The following NTRK3 variants were observed in gnomAD, a reference collection of about 807,000 sequenced individuals.
The protein encoded by NTRK3 is NT-3 growth factor receptor.
Under a neutral mutation model 91.7 loss-of-function variants are expected in NTRK3, and 24 were observed. The observed-to-expected ratio is 0.26, with a 90% CI of 0.19 to 0.37. The LOEUF (loss-of-function observed/expected upper bound fraction) is 0.37, where lower values mean the gene tolerates loss of function less well. Ranked by LOEUF, NTRK3 falls within the 10% of genes least tolerant of loss-of-function variation. The pLI is 1.00. For synonymous variants in NTRK3, 483 were observed against 404.0 expected (o/e 1.20, Z -2.34); for missense variants, 880 against 1,068.9 (o/e 0.82, Z 2.46).
chr15:88,078,196 C>T (rs973826117), intron 13 of NTRK3, among the ~76,000 whole-genome samples: 1 of 152,208 alleles, frequency 6.6e-6, no homozygotes, highest in East Asian at 1.9e-4. Context: ...AGCATGGGCT[C>T]AGGGTCTGTT....
intron 13 of NTRK3, among the ~76,000 whole-genome samples, chr15:88,113,311 C>CTTTTTTTTTT (rs60232101): frequency 1.8e-5 from 2 of 111,640 alleles, no homozygotes; most frequent in African/African-American, 7.2e-5. Context: ...TGATCAATTT[C>CTTTTTTTTTT]TTTTTTTTTT....
chr15:88,008,049 A>G (rs1488526179), intron 14 of NTRK3, among the ~76,000 whole-genome samples: 2 of 152,234 alleles, frequency 1.3e-5, no homozygotes, highest in Non-Finnish European at 2.9e-5. Flanking sequence ...AACTATTCCC[A>G]TACACTAGAG....
At chr15:88,236,774 A>C (rs2051815029) in intron 3 of NTRK3, among the ~76,000 whole-genome samples, 1 of 150,818 alleles carries the variant, frequency 6.6e-6, no homozygotes, top group African/African-American at 2.4e-5. Context: ...AAATTAAAAA[A>C]AAAAAAAAAA....
chr15:88,063,362 G>A (rs936768593), intron 13 of NTRK3, among the ~76,000 whole-genome samples: 1 of 152,210 alleles, frequency 6.6e-6, no homozygotes, highest in Non-Finnish European at 1.5e-5. Context: ...GTTCTCTCAA[G>A]TCTCCCATTT....
chr15:88,102,337 C>A (rs886981178), intron 13 of NTRK3, among the ~76,000 whole-genome samples: 7 of 152,138 alleles, frequency 4.6e-5, no homozygotes, highest in African/African-American at 1.4e-4. Context: ...AAAACACAAT[C>A]TTTCTATACT....
intron 14 of NTRK3, among the ~76,000 whole-genome samples, chr15:88,028,618 C>A (rs138418229): frequency 0.011 from 1,644 of 152,072 alleles, 16 homozygotes; most frequent in Non-Finnish European, 0.017. Context: ...CTTTGCAGAC[C>A]CAGACTGGGA....
At chr15:88,180,078 C>A (rs946008020) in intron 5 of NTRK3, among the ~76,000 whole-genome samples, 4 of 152,220 alleles carry the variant, frequency 2.6e-5, no homozygotes, top group Admixed American at 6.5e-5. Flanking sequence ...TTACTAGCAA[C>A]TGTTCTCTCT....
chr15:87,940,669 C>T (rs2142018260), exon 15 of NTRK3: 1 of 1,614,126 alleles, frequency 6.2e-7, no homozygotes. Flanking sequence ...GAGGTTGTAG[C>T]ACTCGGCCAG....
At chr15:88,238,209 T>C (rs1445301173) in intron 3 of NTRK3, among the ~76,000 whole-genome samples, 2 of 152,182 alleles carry the variant, frequency 1.3e-5, no homozygotes, top group African/African-American at 2.4e-5. Flanking sequence ...AACAAACATA[T>C]GCTTTTTAAG....
intron 17 of NTRK3, among the ~76,000 whole-genome samples, chr15:87,911,022 T>C (rs1025348257): frequency 1.3e-5 from 2 of 152,134 alleles, no homozygotes; most frequent in Non-Finnish European, 2.9e-5. Context: ...TTAGAAGGGA[T>C]AGAAAGGTCA....
intron 14 of NTRK3, among the ~76,000 whole-genome samples, chr15:87,973,250 C>A (rs2073414934): frequency 1.3e-5 from 2 of 152,202 alleles, no homozygotes; most frequent in South Asian, 4.1e-4. Context: ...GCAGAAATCT[C>A]TTCCCTTATC....
At chr15:88,015,853 T>C (rs1239013294) in intron 14 of NTRK3, among the ~76,000 whole-genome samples, 1 of 152,090 alleles carries the variant, frequency 6.6e-6, no homozygotes, top group Non-Finnish European at 1.5e-5. Flanking sequence ...AAGGAATGCA[T>C]CTTGATTGAC....
chr15:88,106,104 C>T (rs745627664), intron 13 of NTRK3, among the ~76,000 whole-genome samples: 5 of 152,190 alleles, frequency 3.3e-5, no homozygotes, highest in East Asian at 1.9e-4. Flanking sequence ...TGGTCCATTC[C>T]GGCTTACCCA....
intron 14 of NTRK3, among the ~76,000 whole-genome samples, chr15:87,947,080 T>C (rs1188781973): frequency 2.0e-5 from 3 of 152,024 alleles, no homozygotes; most frequent in Non-Finnish European, 4.4e-5. Flanking sequence ...CATTTCACCA[T>C]GTTGGCCAGG....
intron 17 of NTRK3, among the ~76,000 whole-genome samples, chr15:87,899,404 G>A (rs1220221266): frequency 8.4e-6 from 1 of 119,212 alleles, no homozygotes; most frequent in Non-Finnish European, 1.7e-5. Flanking sequence ...CTCAATTTCT[G>A]TGCCCTTAAT....
In NTRK3 at chr15:88,033,210, A is replaced by ATATATATATATATATATG. The variant is rs1301860999; in HGVS notation, c.1397-166_1397-165insCATATATATATATATATA. ...TATATATATATATATATATATATATATATATAAATTCAGTTGTTTGGGTTT... is the reference window on the plus strand; with the variant it reads ...TATATATATATATATATATATATATATATATATATATATATATGTATATAAATTCAGTTGTTTGGGTTT... On this transcript the variant is annotated intron_variant, in intron 13 of 18. Coordinates refer to ENST00000394480, the Ensembl canonical transcript of NTRK3. 4.1e-4 allele frequency among the ~76,000 whole-genome samples: 50 copies of ATATATATATATATATATG among 121,300 alleles called. 3 individuals are homozygous for ATATATATATATATATATG. The highest frequency in any genetic ancestry group is 1.5e-3 in the African/African-American group (43 of 28,592). 79.6% of individuals were successfully genotyped at this position (121,300 alleles called of 152,430 possible). A position where few individuals can be genotyped will look rare whatever the true frequency, so the allele number is the denominator to read the frequency against.
chr15:88,184,153 C>T (rs1389795749), intron 4 of NTRK3, 72 bp downstream of exon 4: 7 of 1,488,732 alleles, frequency 4.7e-6, no homozygotes, highest in East Asian at 4.7e-5. Context: ...CCTCACGCCA[C>T]CCCAGAAGGC....
chr15:87,905,318 A>G (rs10220910), intron 17 of NTRK3, among the ~76,000 whole-genome samples: 10,641 of 152,220 alleles, frequency 0.07, 780 homozygotes, highest in African/African-American at 0.18. Context: ...AGAAAACTGG[A>G]GAGGGTTATT....
intron 17 of NTRK3, among the ~76,000 whole-genome samples, chr15:87,905,779 G>A (rs997481082): frequency 4.9e-4 from 74 of 152,192 alleles, no homozygotes; most frequent in Middle Eastern, 3.4e-3. Flanking sequence ...TCCAACGTGC[G>A]TGAGCCCCAG....
Sources: gnomAD v4.1 joint callset for allele counts (sites outside exome capture counted in the v4.1 genomes callset) on GRCh38, gnomAD v4.1.1 for gene constraint, MANE v1.5 for transcripts, NCBI Gene and HGNC (gene_info 2026-07-23, HGNC 2026-07-21) for gene names.